SH3RF3: variants seen among roughly 807,000 people sequenced by gnomAD.
SH3RF3 encodes SH3 domain containing ring finger 3, also known as E3 ubiquitin-protein ligase SH3RF3.
SH3RF3 carries 29 observed loss-of-function variants against 66.3 expected under a neutral mutation model. The ratio of observed to expected loss-of-function variants is 0.44; its 90% CI spans 0.33 to 0.60. SH3RF3 has a LOEUF of 0.60. Among genes scored for constraint, SH3RF3 ranks in the 20% least tolerant of loss-of-function variants. The pLI, the probability that SH3RF3 is intolerant of heterozygous loss-of-function variation, is 0.04. For synonymous variants in SH3RF3, 583 were observed against 532.0 expected, an observed-to-expected ratio of 1.10 and a Z score of -1.32; for missense variants, 1,194 against 1,190.9, an observed-to-expected ratio of 1.00 and a Z score of -0.04.
intron 1 of SH3RF3, among the ~76,000 whole-genome samples, chr2:109,341,523 T>C (rs888996534): frequency 6.6e-5 from 10 of 152,192 alleles, no homozygotes; most frequent in Admixed American, 1.3e-4. Context: ...TAAATACACC[T>C]GAGACTTCCT....
chr2:109,232,887 A>G (rs1679547579), intron 1 of SH3RF3, among the ~76,000 whole-genome samples: 1 of 152,158 alleles, frequency 6.6e-6, no homozygotes, highest in South Asian at 2.1e-4. Context: ...TTTGGTTTAC[A>G]GTTCTGTGAG....
intron 1 of SH3RF3, among the ~76,000 whole-genome samples, chr2:109,222,348 G>A (rs1250403585): frequency 1.3e-5 from 2 of 152,178 alleles, no homozygotes; most frequent in Admixed American, 1.3e-4. Flanking sequence ...ATTTGAATAT[G>A]TCCCAACACA....
chr2:109,168,380 A>G (rs548210132), intron 1 of SH3RF3, among the ~76,000 whole-genome samples: 23 of 152,330 alleles, frequency 1.5e-4, no homozygotes, highest in South Asian at 8.3e-4. Flanking sequence ...AGTGAGATGA[A>G]TGGAAAAATA....
intron 4 of SH3RF3, among the ~76,000 whole-genome samples, chr2:109,417,658 T>G (rs1381579210): frequency 6.6e-6 from 1 of 152,140 alleles, no homozygotes; most frequent in East Asian, 1.9e-4. Context: ...ATTTGAGACT[T>G]GGAGTTACCC....
intron 1 of SH3RF3, among the ~76,000 whole-genome samples, chr2:109,148,464 G>T (rs1240697160): frequency 1.3e-5 from 2 of 152,150 alleles, no homozygotes; most frequent in African/African-American, 4.8e-5. Flanking sequence ...CTCAAACTGT[G>T]TACAAATTTC....
At chr2:109,181,819 G>A (rs7340223) in intron 1 of SH3RF3, among the ~76,000 whole-genome samples, 278 of 152,176 alleles carry the variant, frequency 1.8e-3, no homozygotes, top group African/African-American at 5.8e-3. Flanking sequence ...CACATTCTAA[G>A]ACCATTTTTC....
At chr2:109,273,791 A>G (rs950904931) in intron 1 of SH3RF3, among the ~76,000 whole-genome samples, 1 of 152,160 alleles carries the variant, frequency 6.6e-6, no homozygotes, top group Non-Finnish European at 1.5e-5. Flanking sequence ...GTTGTGACTG[A>G]AATCCAGATA....
Position 109,449,379 on chromosome 2 carries a change from G to C in SH3RF3, c.2038G>C (p.Val680Leu). The change falls in exon 8 of 10, where the codon GTC becomes CTC. Residue 680 changes from valine to leucine, a missense_variant. Coordinates refer to ENST00000309415, the MANE Select transcript of SH3RF3 (RefSeq NM_001099289.3). Reference sequence around the variant, plus strand: ...AGCATCAGCCATCACACCTCCCAACGTCAGTGCCGCAAACCTCAACGGGGA... The same window carrying C: ...AGCATCAGCCATCACACCTCCCAACCTCAGTGCCGCAAACCTCAACGGGGA... ...SAASAITPPN[V>L]SAANLNGEAG... 6.2e-7 allele frequency: 1 copy of C among 1,611,462 alleles called. No homozygotes were observed. Among genetic ancestry groups the C allele is most frequent in the South Asian group, 1.1e-5 (1 of 90,576 alleles).
At chr2:109,426,445 C>T (rs182332772) in intron 5 of SH3RF3, among the ~76,000 whole-genome samples, 17 of 152,210 alleles carry the variant, frequency 1.1e-4, no homozygotes, top group East Asian at 5.8e-4. Flanking sequence ...AGGAAGTCAC[C>T]GCAGATGTGG....
chr2:109,366,333 ATG>A (rs2105654674), intron 2 of SH3RF3, among the ~76,000 whole-genome samples: 1 of 152,334 alleles, frequency 6.6e-6, no homozygotes, highest in South Asian at 2.1e-4. Flanking sequence ...ATATAATGGA[ATG>A]TCTCTGTGTA....
chr2:109,223,877 G>T (rs1317672590), intron 1 of SH3RF3, among the ~76,000 whole-genome samples: 1 of 152,186 alleles, frequency 6.6e-6, no homozygotes, highest in African/African-American at 2.4e-5. Flanking sequence ...CATGTCTGTT[G>T]TCCCAGCTAC....
intron 1 of SH3RF3, among the ~76,000 whole-genome samples, chr2:109,342,082 T>C (rs1040218072): frequency 1.3e-5 from 2 of 152,222 alleles, no homozygotes; most frequent in Non-Finnish European, 2.9e-5. Context: ...GGCCACATGC[T>C]GTGCTATACA....
In SH3RF3 at chr2:109,312,449, A is replaced by G. The variant is rs1450024190; in HGVS notation, c.574-35225A>G. ...TATTAATGATGTTTCGACCGTCAGCACTGTCTAGTTCCAGAAGTTTCCTTT... is the reference window on the plus strand; with the variant it reads ...TATTAATGATGTTTCGACCGTCAGCGCTGTCTAGTTCCAGAAGTTTCCTTT... On this transcript the variant is annotated intron_variant, in intron 1 of 9. Transcript: ENST00000309415. Among the ~76,000 whole-genome samples, 3 of 152,322 alleles carry G rather than the reference A, an allele frequency of 2.0e-5. No homozygotes were observed. The East Asian group carries it at 5.8e-4, about 29-fold the overall frequency.
At chr2:109,376,431 G>A (rs948745533) in intron 3 of SH3RF3, among the ~76,000 whole-genome samples, 1 of 152,230 alleles carries the variant, frequency 6.6e-6, no homozygotes, top group African/African-American at 2.4e-5. Flanking sequence ...CAGAGCCTGG[G>A]TGGGTGGCTT....
chr2:109,167,712 C>T (rs1574484173), intron 1 of SH3RF3, among the ~76,000 whole-genome samples: 1 of 152,154 alleles, frequency 6.6e-6, no homozygotes, highest in South Asian at 2.1e-4. Flanking sequence ...GCTGGGACTA[C>T]AGACACCTGT....
intron 1 of SH3RF3, among the ~76,000 whole-genome samples, chr2:109,137,533 C>G (rs1003091524): frequency 2.6e-5 from 4 of 152,190 alleles, no homozygotes; most frequent in African/African-American, 9.7e-5. Context: ...TCTGAAGATT[C>G]TTTTAATTTT....
chr2:109,208,672 A>G (rs1259565617), intron 1 of SH3RF3, among the ~76,000 whole-genome samples: 1 of 141,000 alleles, frequency 7.1e-6, no homozygotes, highest in Non-Finnish European at 1.5e-5. Flanking sequence ...TTATGTAACA[A>G]TAGATAACCA....
intron 1 of SH3RF3, among the ~76,000 whole-genome samples, chr2:109,262,898 T>A (rs1197337778): frequency 6.6e-6 from 1 of 152,158 alleles, no homozygotes; most frequent in African/African-American, 2.4e-5. Flanking sequence ...AGTGGCATGA[T>A]CTTGGCTCAC....
intron 1 of SH3RF3, among the ~76,000 whole-genome samples, chr2:109,252,658 A>G (rs1215499593): frequency 1.3e-5 from 2 of 152,246 alleles, no homozygotes; most frequent in Non-Finnish European, 2.9e-5. Flanking sequence ...GTAATACACC[A>G]AACCTACAGA....
Sources: allele counts gnomAD v4.1 joint callset (sites outside exome capture counted in the v4.1 genomes callset), GRCh38; gene constraint gnomAD v4.1.1; transcripts MANE v1.5; gene names NCBI Gene and HGNC (gene_info 2026-07-23, HGNC 2026-07-21).